Variants in TMEM123 observed in about 807,000 individuals in gnomAD.
The protein encoded by TMEM123 is porimin.
A neutral mutation model predicts 19.7 loss-of-function variants in TMEM123; 16 were observed. That is an observed-to-expected ratio of 0.81 (90% CI 0.55 to 1.23). The LOEUF (loss-of-function observed/expected upper bound fraction) is 1.23, where lower values mean the gene tolerates loss of function less well. Among genes scored for constraint, TMEM123 ranks in the 50% most tolerant of loss-of-function variants. The pLI, the probability that TMEM123 is intolerant of heterozygous loss-of-function variation, is 0.00. For synonymous variants in TMEM123, 118 were observed against 99.4 expected, an observed-to-expected ratio of 1.19 and a Z score of -1.12; for missense variants, 313 against 257.8, an observed-to-expected ratio of 1.21 and a Z score of -1.47.
chr11:102,437,673 G>A (rs1265815864), intron 2 of TMEM123, among the ~76,000 whole-genome samples: 3 of 151,950 alleles, frequency 2.0e-5, no homozygotes, highest in Non-Finnish European at 4.4e-5. Context: ...GAGAGTACAG[G>A]GTGTATGAGA....
At chr11:102,407,907 CTCAGCT>C (rs938535064) in intron 2 of TMEM123, among the ~76,000 whole-genome samples, 2 of 152,200 alleles carry the variant, frequency 1.3e-5, no homozygotes, top group African/African-American at 2.4e-5. Context: ...AATTAATACA[CTCAGCT>C]TCAAAGGTTT....
At chr11:102,433,741 C>T (rs986622880) in intron 2 of TMEM123, among the ~76,000 whole-genome samples, 1 of 151,700 alleles carries the variant, frequency 6.6e-6, no homozygotes, top group Non-Finnish European at 1.5e-5. Context: ...GTCATGGCAG[C>T]GAGCTGGTGG....
intron 4 of TMEM123, among the ~76,000 whole-genome samples, chr11:102,400,080 C>T (rs1852519865): frequency 6.6e-6 from 1 of 152,184 alleles, no homozygotes; most frequent in South Asian, 2.1e-4. Flanking sequence ...GAGCTTATGT[C>T]AGTAACCTGA....
rs1219372022 is a variant in TMEM123 at position 102,396,614 on chromosome 11, AC to A, written c.*2252del. 1 of 152,214 alleles carries A rather than the reference AC, an allele frequency of 6.6e-6. No individual in the cohort carries two copies. Among genetic ancestry groups the A allele is most frequent in the Non-Finnish European group, 1.5e-5 (1 of 68,044 alleles). The allele number at this position is 152,214 out of a possible 1,614,324, so 9.4% of individuals were successfully genotyped here. A position where few individuals can be genotyped will look rare whatever the true frequency, so the allele number is the denominator to read the frequency against. Reference sequence around the variant, plus strand: ...TACATTCTCAAGGAATGCAAGCAAAACTGAGCATTTTTTTTATGCTTAAGAA... The same window carrying A: ...TACATTCTCAAGGAATGCAAGCAAAATGAGCATTTTTTTTATGCTTAAGAA... On this transcript the variant is annotated 3_prime_UTR_variant, in exon 5 of 5. Transcript: ENST00000398136.
intron 2 of TMEM123, among the ~76,000 whole-genome samples, chr11:102,415,330 T>C (rs557419473): frequency 6.6e-6 from 1 of 152,300 alleles, no homozygotes; most frequent in South Asian, 2.1e-4. Context: ...CTTGACCAAA[T>C]GGATCTAACA....
At chr11:102,445,997 G>C (rs1697950411) in intron 2 of TMEM123, among the ~76,000 whole-genome samples, 1 of 152,182 alleles carries the variant, frequency 6.6e-6, no homozygotes, top group South Asian at 2.1e-4. Flanking sequence ...TCCAAGAAAA[G>C]AGCTTCAGAT....
chr11:102,438,263 G>C (rs1215894859), intron 2 of TMEM123, among the ~76,000 whole-genome samples: 1 of 152,082 alleles, frequency 6.6e-6, no homozygotes, highest in African/African-American at 2.4e-5. Flanking sequence ...ATGTTGGCCA[G>C]GTGGTCTCGC....
At chr11:102,403,560 TATTC>T (rs1478474087) in intron 2 of TMEM123, among the ~76,000 whole-genome samples, 1 of 152,244 alleles carries the variant, frequency 6.6e-6, no homozygotes, top group African/African-American at 2.4e-5. Flanking sequence ...TATATTTCTG[TATTC>T]ATTTCCTGTC....
intron 2 of TMEM123, among the ~76,000 whole-genome samples, chr11:102,440,244 T>C (rs768123652): frequency 2.0e-5 from 3 of 152,110 alleles, no homozygotes; most frequent in Non-Finnish European, 4.4e-5. Context: ...GGACACATAA[T>C]TGTCAGATTC....
intron 2 of TMEM123, among the ~76,000 whole-genome samples, chr11:102,410,635 G>C (rs1258711051): frequency 6.6e-6 from 1 of 152,048 alleles, no homozygotes; most frequent in African/African-American, 2.4e-5. Context: ...CCAGGGAGCA[G>C]AATTCACTCT....
Position 102,420,898 on chromosome 11 carries a change from T to C in TMEM123, c.158-18692A>G, listed in dbSNP as rs1328462309. Among the ~76,000 whole-genome samples the C allele has an allele frequency of 3.3e-5, 5 of 152,138 alleles. No individual in the cohort carries two copies. The South Asian group carries it at 6.2e-4, about 19-fold the overall frequency. ...CCCTGTCTCTGCAAAAATACAAAAA[T>C]TACCCAGGTGGGGTGGTGCATGCCT... On this transcript the variant is annotated intron_variant, in intron 2 of 4. Transcript: ENST00000398136.
In TMEM123 at chr11:102,398,814, T is replaced by C; in HGVS notation, c.*53A>G. 6.3e-7 allele frequency: 1 copy of C among 1,583,396 alleles called. No individual in the cohort carries two copies. Among genetic ancestry groups the C allele is most frequent in the East Asian group, 2.2e-5 (1 of 44,522 alleles). On this transcript the variant is annotated 3_prime_UTR_variant, in exon 5 of 5. Transcript: ENST00000398136. The stretch of plus-strand genomic sequence containing the variant: ...GTTTTAAACTATTAATAAACCAAAA[T>C]TAATTGATAGGGCAGCATCAATCTG...
chr11:102,403,846 A>G (rs1951932387), intron 2 of TMEM123, among the ~76,000 whole-genome samples: 1 of 152,142 alleles, frequency 6.6e-6, no homozygotes, highest in Non-Finnish European at 1.5e-5. Flanking sequence ...GGGTTGTTAT[A>G]AAGCCAGGAT....
At chr11:102,444,817 C>T (rs1325115665) in intron 2 of TMEM123, among the ~76,000 whole-genome samples, 1 of 152,002 alleles carries the variant, frequency 6.6e-6, no homozygotes, top group Non-Finnish European at 1.5e-5. Context: ...GGCACATATA[C>T]ACCATGGAAT....
intron 2 of TMEM123, among the ~76,000 whole-genome samples, chr11:102,424,010 CTT>C: frequency 6.6e-6 from 1 of 152,060 alleles, no homozygotes; most frequent in East Asian, 1.9e-4. Context: ...AACAAAATGA[CTT>C]TAATTTTAGA....
intron 1 of TMEM123, among the ~76,000 whole-genome samples, chr11:102,451,899 A>G (rs943307689): frequency 6.6e-6 from 1 of 152,288 alleles, no homozygotes. Flanking sequence ...ATGGCACACG[A>G]GGGGTGGAGA....
chr11:102,430,071 A>T (rs1435409868), intron 2 of TMEM123, among the ~76,000 whole-genome samples: 1 of 152,194 alleles, frequency 6.6e-6, no homozygotes, highest in Non-Finnish European at 1.5e-5. Context: ...AGCCAGCATG[A>T]GTACCTTTTC....
chr11:102,410,839 T>C (rs1368164615), intron 2 of TMEM123, among the ~76,000 whole-genome samples: 1 of 152,180 alleles, frequency 6.6e-6, no homozygotes, highest in African/African-American at 2.4e-5. Flanking sequence ...AGTTACAATA[T>C]GTATGCCAGG....
chr11:102,442,350 A>C (rs372281202), intron 2 of TMEM123, among the ~76,000 whole-genome samples: 1 of 152,156 alleles, frequency 6.6e-6, no homozygotes, highest in Admixed American at 6.5e-5. Context: ...TATCCACCAC[A>C]ATCAAGTTGG....
Sources: allele counts gnomAD v4.1 joint callset (sites outside exome capture counted in the v4.1 genomes callset), GRCh38; gene constraint gnomAD v4.1.1; transcripts MANE v1.5; gene names NCBI Gene and HGNC (gene_info 2026-07-23, HGNC 2026-07-21).